The following TDRD3 variants were observed in gnomAD, a reference collection of about 807,000 sequenced individuals.
TDRD3 encodes tudor domain-containing protein 3.
Under a neutral mutation model 86.7 loss-of-function variants are expected in TDRD3, and 45 were observed. That is an observed-to-expected ratio of 0.52 (90% CI 0.41 to 0.67). The LOEUF is 0.67. Ranked by LOEUF, TDRD3 falls within the 30% of genes least tolerant of loss-of-function variation. The pLI is 0.00. For synonymous variants in TDRD3, 298 were observed against 301.7 expected (o/e 0.99, Z 0.13); for missense variants, 814 against 889.0 (o/e 0.92, Z 1.07).
At chr13:60,427,099 A>G (rs9538693) in intron 1 of TDRD3, among the ~76,000 whole-genome samples, 18,998 of 152,282 alleles carry the variant, frequency 0.12, 1,383 homozygotes, top group East Asian at 0.2. Context: ...GACCACAGTC[A>G]TATATGTATC....
intron 1 of TDRD3, among the ~76,000 whole-genome samples, chr13:60,435,586 C>T (rs1955068690): frequency 6.6e-6 from 1 of 152,174 alleles, no homozygotes; most frequent in African/African-American, 2.4e-5. Context: ...CAAGTTGTTG[C>T]AAAAGACATT....
At chr13:60,432,183 C>T (rs1954970682) in intron 1 of TDRD3, among the ~76,000 whole-genome samples, 1 of 151,970 alleles carries the variant, frequency 6.6e-6, no homozygotes, top group East Asian at 1.9e-4. Context: ...GAATTCTGAT[C>T]CTTCTGTTTA....
intron 1 of TDRD3, among the ~76,000 whole-genome samples, chr13:60,431,224 G>T (rs1286973533): frequency 3.3e-5 from 5 of 151,856 alleles, no homozygotes; most frequent in Non-Finnish European, 4.4e-5. Flanking sequence ...AAACCTTTAA[G>T]CTAGTTTAGT....
intron 5 of TDRD3, among the ~76,000 whole-genome samples, chr13:60,482,519 G>GC (rs1449783579): frequency 6.6e-6 from 1 of 152,030 alleles, no homozygotes; most frequent in African/African-American, 2.4e-5. Flanking sequence ...GGTATTATTT[G>GC]CAATTCATGA....
chr13:60,532,458 G>T (rs922266800), intron 11 of TDRD3, among the ~76,000 whole-genome samples: 1 of 152,162 alleles, frequency 6.6e-6, no homozygotes, highest in African/African-American at 2.4e-5. Flanking sequence ...TGAAGAGGTG[G>T]CTTCTAAATG....
At chr13:60,554,808 A>C (rs907008958) in intron 12 of TDRD3, among the ~76,000 whole-genome samples, 2 of 152,212 alleles carry the variant, frequency 1.3e-5, no homozygotes, top group African/African-American at 4.8e-5. Context: ...CCTTTGTGTA[A>C]GATGATAAGC....
chr13:60,455,121 C>G (rs1157050927), intron 3 of TDRD3, among the ~76,000 whole-genome samples: 1 of 152,214 alleles, frequency 6.6e-6, no homozygotes, highest in Non-Finnish European at 1.5e-5. Flanking sequence ...CCATGTTGGT[C>G]AGGCTAGTCT....
intron 5 of TDRD3, among the ~76,000 whole-genome samples, chr13:60,468,564 C>A (rs1371480917): frequency 6.6e-6 from 1 of 152,142 alleles, no homozygotes; most frequent in Non-Finnish European, 1.5e-5. Flanking sequence ...TTAAGTTCTG[C>A]ACGTATCTGT....
chr13:60,409,034 A>T (rs1231121299), intron 1 of TDRD3, among the ~76,000 whole-genome samples: 3 of 152,212 alleles, frequency 2.0e-5, no homozygotes, highest in Non-Finnish European at 2.9e-5. Context: ...CCTGTGTCCC[A>T]GCCACTCCAG....
chr13:60,476,398 G>A (rs114273270), intron 5 of TDRD3, among the ~76,000 whole-genome samples: 38 of 151,910 alleles, frequency 2.5e-4, no homozygotes, highest in African/African-American at 6.3e-4. Context: ...CCATTGGTCC[G>A]TGAGTCTGTT....
chr13:60,484,198 G>A (rs2059116798), intron 6 of TDRD3, among the ~76,000 whole-genome samples: 1 of 151,870 alleles, frequency 6.6e-6, no homozygotes, highest in South Asian at 2.1e-4. Flanking sequence ...AACATTAGAG[G>A]GGGAGAGAAA....
rs148013305 is a variant in TDRD3 at position 60,419,620 on chromosome 13, G to A, written c.42-20068G>A. ...CACAGAGAGGGGAACATCACACACTGAGGCCTGTTGTGGGGGCGGGGGGCA... is the reference window on the plus strand; with the variant it reads ...CACAGAGAGGGGAACATCACACACTAAGGCCTGTTGTGGGGGCGGGGGGCA... On this transcript the variant is annotated intron_variant, in intron 1 of 13. Coordinates refer to ENST00000377881, the MANE Select transcript of TDRD3 (RefSeq NM_001146070.2). Among the ~76,000 whole-genome samples the A allele has an allele frequency of 9.3e-3, 1,411 of 152,064 alleles. 20 individuals are homozygous for A. Among genetic ancestry groups the A allele is most frequent in the African/African-American group, 0.032 (1,312 of 41,486 alleles).
At chr13:60,402,924 A>G (rs113115132) in intron 1 of TDRD3, among the ~76,000 whole-genome samples, 2,355 of 152,122 alleles carry the variant, frequency 0.015, 73 homozygotes, top group African/African-American at 0.051. Context: ...AATATTTTCT[A>G]TTTCTTTAAT....
intron 10 of TDRD3, among the ~76,000 whole-genome samples, chr13:60,516,044 C>G (rs537809147): frequency 3.9e-5 from 6 of 152,220 alleles, no homozygotes; most frequent in African/African-American, 1.4e-4. Flanking sequence ...TTATTTGGGT[C>G]TGTTATAGAC....
At position 60,456,850 on chromosome 13, in the gene TDRD3, C is replaced by G. The variant is rs373772882; in HGVS notation, c.193-3530C>G. 3.3e-5 allele frequency among the ~76,000 whole-genome samples: 5 copies of G among 152,072 alleles called. No individual in the cohort carries two copies. The East Asian group carries it at 7.7e-4, about 23-fold the overall frequency. On this transcript the variant is annotated intron_variant, in intron 3 of 13. Transcript: ENST00000377881. The stretch of plus-strand genomic sequence containing the variant: ...AGCTGCGGCTACAAGCACACACCAC[C>G]ACGCTTGGCTAATTTTTGTATTTTT...
intron 1 of TDRD3, among the ~76,000 whole-genome samples, chr13:60,407,841 A>T (rs796346605): frequency 1.8e-4 from 28 of 152,200 alleles, no homozygotes; most frequent in African/African-American, 6.3e-4. Context: ...TTCCGACCCA[A>T]ATCTCAACTT....
At chr13:60,449,951 C>A (rs1324516489) in intron 3 of TDRD3, among the ~76,000 whole-genome samples, 1 of 152,004 alleles carries the variant, frequency 6.6e-6, no homozygotes, top group African/African-American at 2.4e-5. Context: ...CAAGCACCTA[C>A]CTTACCTAGG....
intron 3 of TDRD3, among the ~76,000 whole-genome samples, chr13:60,447,366 A>T (rs888350964): frequency 6.6e-6 from 1 of 152,122 alleles, no homozygotes; most frequent in African/African-American, 2.4e-5. Flanking sequence ...GTGACTTTTC[A>T]TAAGTCAGTT....
In TDRD3 at chr13:60,444,767, T is replaced by G; in HGVS notation, c.192+19T>G. On this transcript the variant is annotated intron_variant, in intron 3 of 13. Transcript: ENST00000377881. ...AGAAAAGGTAAAGAAAATCAATAAC[T>G]TCTTACATTAATTAATTTAGTTACA... The G allele has an allele frequency of 7.5e-7, 1 of 1,337,282 alleles. No individual in the cohort carries two copies. The highest frequency in any genetic ancestry group is 1.0e-6 in the Non-Finnish European group (1 of 989,242). The allele number at this position is 1,337,282 out of a possible 1,614,324, so 82.8% of individuals were successfully genotyped here.
Sources: gnomAD v4.1 joint callset for allele counts (sites outside exome capture counted in the v4.1 genomes callset) on GRCh38, gnomAD v4.1.1 for gene constraint, MANE v1.5 for transcripts, NCBI Gene and HGNC (gene_info 2026-07-23, HGNC 2026-07-21) for gene names.